Variants in STAB1 observed in about 807,000 individuals in gnomAD.
STAB1 encodes the protein stabilin-1.
A neutral mutation model predicts 332.4 loss-of-function variants in STAB1; 250 were observed. That is an observed-to-expected ratio of 0.75 (90% CI 0.68 to 0.84). The LOEUF (loss-of-function observed/expected upper bound fraction) is 0.84, where lower values mean the gene tolerates loss of function less well. STAB1 is among the 40% of genes least tolerant of loss of function. The pLI is 0.00. For synonymous variants in STAB1, 1,475 were observed against 1,390.4 expected (o/e 1.06, Z -1.35); for missense variants, 3,249 against 3,489.7 (o/e 0.93, Z 1.74).
At chr3:52,505,561 C>T in intron 14 of STAB1, 107 bp from the exon 15 acceptor site, 1 of 1,279,210 alleles carries the variant, frequency 7.8e-7, no homozygotes, top group South Asian at 1.4e-5. Context: ...ATGTCTCCCC[C>T]TTACTCAGTG....
At chr3:52,513,269 G>A (rs1232817021) in intron 30 of STAB1, 28 bp downstream of exon 30, 1 of 1,546,876 alleles carries the variant, frequency 6.5e-7, no homozygotes, top group Non-Finnish European at 8.7e-7. Context: ...GGCAGAAAAG[G>A]GGACCAGGTA....
rs144834944 is a variant in STAB1 at position 52,499,193 on chromosome 3, C to A, written c.79-1973C>A. Among the ~76,000 whole-genome samples, 34 of 152,390 alleles carry A rather than the reference C, an allele frequency of 2.2e-4. 1 individual carries two copies. The highest frequency in any genetic ancestry group is 3.4e-3 in the Middle Eastern group (1 of 294). ...CCAAAGCCTCCCAAACACCTCCCCT[C>A]CAACCTATGCCCCTTCCCTATGCCC... On this transcript the variant is annotated intron_variant, in intron 1 of 68. Transcript: ENST00000321725.
chr3:52,513,032 C>T, intron 29 of STAB1, 74 bp downstream of exon 29: 1 of 1,564,346 alleles, frequency 6.4e-7, no homozygotes, highest in Non-Finnish European at 8.6e-7. Context: ...AGTCCTCAGC[C>T]TGGCAGGCAC....
intron 5 of STAB1, 25 bp from the exon 6 acceptor site, chr3:52,502,607 A>T (rs760961279): frequency 1.3e-6 from 2 of 1,597,576 alleles, no homozygotes; most frequent in Admixed American, 3.3e-5. Flanking sequence ...CTGGGGCCCC[A>T]TCTGTCTCTG....
At position 52,512,890 on chromosome 3, in the gene STAB1, A is replaced by T; in HGVS notation, c.3090A>T (p.Ala1030=). The change falls in exon 29 of 69, where the codon GCA becomes GCT. Residue 1030 remains alanine (A), a synonymous_variant. Transcript: ENST00000321725. Reference sequence around the variant, plus strand: ...CAGCCCTGGTGCCCTCCGAGGCTGCAGTCCGTCAGCTGAGCCCCGAGGACC... The same window carrying T: ...CAGCCCTGGTGCCCTCCGAGGCTGCTGTCCGTCAGCTGAGCCCCGAGGACC... ...RVTALVPSEA[A]VRQLSPEDRA... The T allele has an allele frequency of 3.7e-6, 6 of 1,611,904 alleles. No individual in the cohort carries two copies. Among genetic ancestry groups the T allele is most frequent in the Non-Finnish European group, 5.1e-6 (6 of 1,179,830 alleles).
chr3:52,503,699 C>G, intron 8 of STAB1, 73 bp from the exon 9 acceptor site: 1 of 1,599,152 alleles, frequency 6.3e-7, no homozygotes, highest in Non-Finnish European at 8.5e-7. Context: ...GAGCAGGGCT[C>G]TATGGGTAGG....
Position 52,519,371 on chromosome 3 carries a change from G to C in STAB1, c.5142G>C (p.Leu1714=). 1 of 1,613,110 alleles carries C rather than the reference G, an allele frequency of 6.2e-7. No homozygotes were observed. The highest frequency in any genetic ancestry group is 8.5e-7 in the Non-Finnish European group (1 of 1,180,000). The change falls in exon 49 of 69, where the codon CTG becomes CTC. Residue 1714 remains leucine (L), a synonymous_variant. Coordinates refer to ENST00000321725, the MANE Select transcript of STAB1 (RefSeq NM_015136.3). ...IDRVLLPPEA[L]HWEPDDAPIP... ...GTGTCCTGCTGCCCCCCGAGGCGCT[G>C]CACTGGGAGCCTGATGATGCTCCCA...
Position 52,518,755 on chromosome 3 carries a change from G to C in STAB1, c.4920G>C (p.Gln1640His), listed in dbSNP as rs370087254. The change falls in exon 48 of 69, where the codon CAG becomes CAC. Residue 1640 changes from glutamine (Q) to histidine (H), a missense_variant. Physicochemically the swap from Gln to His is conservative, Grantham distance 24. Coordinates refer to ENST00000321725, the MANE Select transcript of STAB1 (RefSeq NM_015136.3). Reference sequence around the variant, plus strand: ...TGGCCCGGATTCGTGCGCATCGCCAGCTGGTGTTTCGCTACCACGTGGTTG... The same window carrying C: ...TGGCCCGGATTCGTGCGCATCGCCACCTGGTGTTTCGCTACCACGTGGTTG... ...DELARIRAHR[Q>H]LVFRYHVVGC... is the part of the protein sequence containing the mutation. The C allele has an allele frequency of 6.2e-7, 1 of 1,612,566 alleles. No homozygotes were observed.
At chr3:52,503,628 A>G (rs1708617018) in intron 8 of STAB1, 88 bp downstream of exon 8, 1 of 1,565,016 alleles carries the variant, frequency 6.4e-7, no homozygotes, top group Non-Finnish European at 8.7e-7. Flanking sequence ...GCCTTCTGGT[A>G]GCCTCAGTTT....
chr3:52,502,271 G>A, intron 5 of STAB1, 43 bp downstream of exon 5: 1 of 1,593,680 alleles, frequency 6.3e-7, no homozygotes, highest in South Asian at 1.1e-5. Context: ...GCGTCCACCT[G>A]GGGGCCCACG....
In STAB1 at chr3:52,523,308, C is replaced by T. The variant is rs760203861; in HGVS notation, c.7107C>T (p.Phe2369=). The T allele has an allele frequency of 2.0e-5, 32 of 1,611,856 alleles. No homozygotes were observed. Among genetic ancestry groups the T allele is most frequent in the Admixed American group, 5.0e-5 (3 of 60,008 alleles). ...ATGAGCTCACGTATAAGACACTCTTCGTCCCTGTCAATGAAGGCTTTGTGG... is the reference window on the plus strand; with the variant it reads ...ATGAGCTCACGTATAAGACACTCTTTGTCCCTGTCAATGAAGGCTTTGTGG... The part of the protein sequence containing the change: ...LDDELTYKTL[F]VPVNEGFVDN... The change falls in exon 64 of 69, where the codon TTC becomes TTT. Residue 2369 remains phenylalanine, a synonymous_variant. Transcript: ENST00000321725.
rs748670189 is a variant in STAB1 at position 52,520,848 on chromosome 3, G to A, written c.5751G>A (p.Thr1917=). ...ACWRFYPKFW[T]SPPLHSLGLR... is the part of the protein sequence containing the mutation. ...GGCGCTTCTACCCGAAGTTCTGGAC[G>A]TCCCCTCCGCTGCACTCTTTGGGAT... The change falls in exon 55 of 69, where the codon ACG becomes ACA. Residue 1917 remains threonine, a synonymous_variant. Coordinates refer to ENST00000321725, the MANE Select transcript of STAB1 (RefSeq NM_015136.3). 44 of 1,612,662 alleles carry A rather than the reference G, an allele frequency of 2.7e-5. No individual in the cohort carries two copies. The Admixed American group carries it at 4.5e-4, about 16-fold the overall frequency.
intron 1 of STAB1, among the ~76,000 whole-genome samples, chr3:52,500,895 C>T (rs1008905507): frequency 4.6e-5 from 7 of 152,188 alleles, no homozygotes; most frequent in African/African-American, 1.7e-4. Flanking sequence ...CTGGGCCGGG[C>T]ACATAAGGAC....
At chr3:52,498,630 G>A (rs1052960132) in intron 1 of STAB1, among the ~76,000 whole-genome samples, 2 of 152,222 alleles carry the variant, frequency 1.3e-5, no homozygotes, top group South Asian at 2.1e-4. Flanking sequence ...CTCAGAGTGC[G>A]ACCAGCACAG....
chr3:52,523,623 C>T, intron 65 of STAB1, 29 bp from the exon 66 acceptor site: 2 of 1,612,820 alleles, frequency 1.2e-6, no homozygotes, highest in Non-Finnish European at 1.7e-6. Context: ...CCCTCGCTCA[C>T]AGTGGGCCTG....
At position 52,522,593 on chromosome 3, in the gene STAB1, G is replaced by A. The variant is rs552936256; in HGVS notation, c.6649G>A (p.Gly2217Ser). ...AGVFHLQATS[G>S]PYGLNFSEAE... The stretch of plus-strand genomic sequence containing the variant: ...CGTTTTCCACCTCCAGGCCACCAGC[G>A]GCCCTTATGGTCTGAACTTTTCGGA... The change falls in exon 61 of 69, where the codon GGC (glycine) becomes AGC (serine). Residue 2217 changes from glycine (G) to serine (S), a missense_variant. Gly to Ser is a moderately conservative substitution (Grantham distance 56). Transcript: ENST00000321725. 6 of 1,613,010 alleles carry A rather than the reference G, an allele frequency of 3.7e-6. No homozygotes were observed. The highest frequency in any genetic ancestry group is 4.5e-5 in the East Asian group (2 of 44,884).
In STAB1 at chr3:52,516,573, C is replaced by T. The variant is rs779450318; in HGVS notation, c.4272C>T (p.Cys1424=). 1.5e-5 allele frequency: 24 copies of T among 1,612,960 alleles called. No homozygotes were observed. Among genetic ancestry groups the T allele is most frequent in the South Asian group, 5.5e-5 (5 of 91,084 alleles). The part of the protein sequence containing the change: ...KITSPQCPRK[C]DPNANCVQDS... ...CCAGCCCTCAGTGCCCTAGGAAGTG[C>T]GACCCCAATGCCAAGTGAGTGGGCC... Residue 1424 remains cysteine, a synonymous_variant, in exon 40 of 69, where the codon TGC becomes TGT. Coordinates refer to ENST00000321725, the MANE Select transcript of STAB1 (RefSeq NM_015136.3).
At chr3:52,514,060 C>T in intron 32 of STAB1, 55 bp from the exon 33 acceptor site, 1 of 1,600,832 alleles carries the variant, frequency 6.2e-7, no homozygotes, top group Non-Finnish European at 8.5e-7. Flanking sequence ...GGCTGGCTCC[C>T]AGTGTCAGGA....
rs773776141 is a variant in STAB1 at position 52,514,368 on chromosome 3, G to T, written c.3550G>T (p.Ala1184Ser). Residue 1184 changes from alanine (A) to serine (S), a missense_variant, in exon 34 of 69, where the codon GCA becomes TCA. Transcript: ENST00000321725. ...EAQGNSSHLD[A>S]DTVRHHVVLG... ...GGGTTCTCTCCTTCTCTTCCAGGAC[G>T]CAGACACAGTGCGGCACCATGTGGT... 3 of 1,544,704 alleles carry T rather than the reference G, an allele frequency of 1.9e-6. No homozygotes were observed. Among genetic ancestry groups the T allele is most frequent in the Non-Finnish European group, 1.7e-6 (2 of 1,143,262 alleles).
Sources: allele counts gnomAD v4.1 joint callset (sites outside exome capture counted in the v4.1 genomes callset), GRCh38; gene constraint gnomAD v4.1.1; transcripts MANE v1.5; gene names NCBI Gene and HGNC (gene_info 2026-07-23, HGNC 2026-07-21).